CDC73: variants seen among roughly 807,000 people sequenced by gnomAD.
CDC73 encodes parafibromin.
CDC73 carries 21 observed loss-of-function variants against 83.7 expected under a neutral mutation model. The ratio of observed to expected loss-of-function variants is 0.25; its 90% CI spans 0.18 to 0.36. The LOEUF (loss-of-function observed/expected upper bound fraction) is 0.36. Among genes scored for constraint, CDC73 ranks in the 10% least tolerant of loss-of-function variants. The pLI, the probability that CDC73 is intolerant of heterozygous loss-of-function variation, is 1.00. For missense variants in CDC73, 342 were observed against 653.3 expected (o/e 0.52, Z 5.19); for synonymous variants, 224 against 212.9 (o/e 1.05, Z -0.45).
At chr1:193,183,640 A>AT (rs1396584226) in intron 10 of CDC73, among the ~76,000 whole-genome samples, 3 of 151,570 alleles carry the variant, frequency 2.0e-5, no homozygotes, top group Admixed American at 6.6e-5. Flanking sequence ...TTAAGCTTTT[A>AT]TTTCCAAATG....
intron 15 of CDC73, among the ~76,000 whole-genome samples, chr1:193,248,425 A>G (rs1047440028): frequency 6.6e-6 from 1 of 152,230 alleles, no homozygotes; most frequent in East Asian, 1.9e-4. Flanking sequence ...TTTCATGATT[A>G]CTAACACATC....
In CDC73 at chr1:193,253,499, AT is replaced by A; in HGVS notation, c.*2792del. The A allele has an allele frequency of 4.3e-6, 1 of 232,154 alleles. No homozygotes were observed. The highest frequency in any genetic ancestry group is 8.5e-6 in the Non-Finnish European group (1 of 117,520). 14.4% of individuals were successfully genotyped at this position (232,154 alleles called of 1,614,324 possible). On this transcript the variant is annotated 3_prime_UTR_variant, in exon 17 of 17. Transcript: ENST00000367435. The stretch of plus-strand genomic sequence containing the variant: ...GCCTATATTCCCATTGACAAATGCA[AT>A]TTTTAATTATTTATTTAATATAGGA...
chr1:193,238,735 T>C (rs1376691233), intron 15 of CDC73, among the ~76,000 whole-genome samples: 3 of 152,170 alleles, frequency 2.0e-5, no homozygotes, highest in Admixed American at 1.3e-4. Flanking sequence ...TGTATTCTTA[T>C]GATAAAGTAA....
At chr1:193,123,597 T>G (rs1675507446) in intron 1 of CDC73, among the ~76,000 whole-genome samples, 1 of 152,242 alleles carries the variant, frequency 6.6e-6, no homozygotes, top group African/African-American at 2.4e-5. Flanking sequence ...CAAATGACAT[T>G]CTGAGTTTCT....
In CDC73 at chr1:193,252,778, A is replaced by G. The variant is rs1050276291; in HGVS notation, c.*2066A>G. The G allele has an allele frequency of 1.7e-5, 4 of 231,910 alleles. No individual in the cohort carries two copies. The East Asian group carries it at 2.4e-4, about 14-fold the overall frequency. 14.4% of individuals were successfully genotyped at this position (231,910 alleles called of 1,614,324 possible). ...AAAACAAAAATTTTCAGCCACTCCC[A>G]TTTATTCTCCCATGACATGGTCCTA... On this transcript the variant is annotated 3_prime_UTR_variant, in exon 17 of 17. Coordinates refer to ENST00000367435, the MANE Select transcript of CDC73 (RefSeq NM_024529.5).
chr1:193,160,202 C>T (rs937885322), intron 10 of CDC73, among the ~76,000 whole-genome samples: 27 of 152,030 alleles, frequency 1.8e-4, no homozygotes, highest in Non-Finnish European at 3.5e-4. Context: ...ATTATTCTGC[C>T]GATGACTATG....
At chr1:193,123,997 T>C (rs1675517294) in intron 1 of CDC73, among the ~76,000 whole-genome samples, 1 of 152,198 alleles carries the variant, frequency 6.6e-6, no homozygotes, top group Non-Finnish European at 1.5e-5. Flanking sequence ...AAAGAATAGG[T>C]AGGAATTCTC....
intron 13 of CDC73, among the ~76,000 whole-genome samples, chr1:193,215,854 G>T (rs1572204492): frequency 6.6e-6 from 1 of 151,964 alleles, no homozygotes. Flanking sequence ...CCTCCCGAAG[G>T]GCTGGGATTA....
chr1:193,226,887 A>T (rs1395375510), intron 13 of CDC73, among the ~76,000 whole-genome samples: 2 of 152,126 alleles, frequency 1.3e-5, no homozygotes, highest in Non-Finnish European at 1.5e-5. Flanking sequence ...CGTCAAAAGG[A>T]TTGGTACCAA....
intron 10 of CDC73, among the ~76,000 whole-genome samples, chr1:193,185,256 A>T (rs1330525993): frequency 6.6e-6 from 1 of 152,120 alleles, no homozygotes; most frequent in East Asian, 1.9e-4. Context: ...TCAGTCTTTT[A>T]CATAAAATGT....
chr1:193,245,672 A>C (rs60161861), intron 15 of CDC73, among the ~76,000 whole-genome samples: 274 of 152,274 alleles, frequency 1.8e-3, no homozygotes, highest in African/African-American at 6.3e-3. Flanking sequence ...TTGCTGGATC[A>C]TATGGTAGTT....
chr1:193,198,954 G>A (rs927476412), intron 10 of CDC73, among the ~76,000 whole-genome samples: 5 of 152,172 alleles, frequency 3.3e-5, no homozygotes, highest in East Asian at 1.9e-4. Flanking sequence ...TGTCTCAGCC[G>A]TTTAAGTGGT....
intron 13 of CDC73, among the ~76,000 whole-genome samples, chr1:193,225,600 C>T (rs956134534): frequency 1.3e-5 from 2 of 152,002 alleles, no homozygotes; most frequent in African/African-American, 4.8e-5. Flanking sequence ...TAGGGCCATT[C>T]TTGCAGAAGT....
chr1:193,143,864 C>A (rs1675948049), intron 7 of CDC73, among the ~76,000 whole-genome samples: 1 of 152,084 alleles, frequency 6.6e-6, no homozygotes, highest in African/African-American at 2.4e-5. Context: ...AATCCCAGCA[C>A]TTTGGGAAGT....
intron 10 of CDC73, among the ~76,000 whole-genome samples, chr1:193,159,120 T>C (rs189649608): frequency 1.3e-5 from 2 of 152,262 alleles, no homozygotes; most frequent in African/African-American, 4.8e-5. Context: ...TGTGATTTTT[T>C]CCAACTTTTT....
rs1388877043 is a variant in CDC73 at position 193,122,066 on chromosome 1, C to CT, written c.-134dup. 8.9e-6 allele frequency: 7 copies of CT among 788,394 alleles called. No individual in the cohort carries two copies. The highest frequency in any genetic ancestry group is 2.1e-5 in the Admixed American group (1 of 47,012). The allele number at this position is 788,394 out of a possible 1,614,324, so 48.8% of individuals were successfully genotyped here. A position where few individuals can be genotyped will look rare whatever the true frequency, so the allele number is the denominator to read the frequency against. Reference sequence around the variant, plus strand: ...CTGCTGCTGTCGTAGGCGAGGACGGCTGTTAGTGCTGCTGCTGTTGGTTCG... The same window carrying CT: ...CTGCTGCTGTCGTAGGCGAGGACGGCTTGTTAGTGCTGCTGCTGTTGGTTCG... On this transcript the variant is annotated 5_prime_UTR_variant, in exon 1 of 17. Transcript: ENST00000367435.
Position 193,135,520 on chromosome 1 carries a change from T to G in CDC73, c.371-17T>G, listed in dbSNP as rs763780849. 6.2e-6 allele frequency: 10 copies of G among 1,613,036 alleles called. No individual in the cohort carries two copies. The African/African-American group carries it at 9.3e-5, about 15-fold the overall frequency. ...ATTCCAAAACTACACATTTATTTAC[T>G]TCTCTTTCTTTTATAGTCAAACGAG... is the stretch of plus-strand genomic sequence containing the variant. On this transcript the variant is annotated splice_polypyrimidine_tract_variant and intron_variant, in intron 4 of 16. Transcript: ENST00000367435.
chr1:193,236,802 G>A (rs1014632229), intron 15 of CDC73: 1 of 171,466 alleles, frequency 5.8e-6, no homozygotes, highest in Non-Finnish European at 1.3e-5. Context: ...ACTGAGGCAG[G>A]AGAATCGCTT....
chr1:193,221,030 T>C (rs1677460518), intron 13 of CDC73, among the ~76,000 whole-genome samples: 1 of 152,226 alleles, frequency 6.6e-6, no homozygotes, highest in African/African-American at 2.4e-5. Context: ...TCTTGCAGTC[T>C]GTCTGTAGTC....
Sources: gnomAD v4.1 joint callset for allele counts (sites outside exome capture counted in the v4.1 genomes callset) on GRCh38, gnomAD v4.1.1 for gene constraint, MANE v1.5 for transcripts, NCBI Gene and HGNC (gene_info 2026-07-23, HGNC 2026-07-21) for gene names.